Variants in SLC9A9 observed in about 807,000 individuals in gnomAD.
SLC9A9 encodes the protein solute carrier family 9 member A9, also known as sodium/hydrogen exchanger 9.
Under a neutral mutation model 77.8 loss-of-function variants are expected in SLC9A9, and 62 were observed. The ratio of observed to expected loss-of-function variants is 0.80; its 90% confidence interval spans 0.65 to 0.98. The LOEUF is 0.98. Among genes scored for constraint, SLC9A9 ranks in the 50% least tolerant of loss-of-function variants. The pLI is 0.00. For missense variants in SLC9A9, 775 were observed against 774.9 expected, an observed-to-expected ratio of 1.00 and a Z score of 0.00; for synonymous variants, 320 against 283.5, an observed-to-expected ratio of 1.13 and a Z score of -1.29.
chr3:143,619,651 G>T (rs1159474340), intron 6 of SLC9A9, among the ~76,000 whole-genome samples: 1 of 152,130 alleles, frequency 6.6e-6, no homozygotes, highest in Admixed American at 6.5e-5. Flanking sequence ...AATAGCTTTG[G>T]GTAAGAGGAT....
At chr3:143,447,568 T>C (rs2034867925) in intron 12 of SLC9A9, among the ~76,000 whole-genome samples, 1 of 152,166 alleles carries the variant, frequency 6.6e-6, no homozygotes, top group Non-Finnish European at 1.5e-5. Flanking sequence ...GTGTTCCTGC[T>C]AACTTCCTAC....
In SLC9A9 at chr3:143,572,874, G is replaced by A. The variant is rs548862592; in HGVS notation, c.1000+1214C>T. On this transcript the variant is annotated intron_variant, in intron 8 of 15. Transcript: ENST00000316549. Reference sequence around the variant, plus strand: ...TCACAGGAGAGCCAAGACCAGCCAAGGAGCAACTGAACCAGGCAGTTGCCT... The same window carrying A: ...TCACAGGAGAGCCAAGACCAGCCAAAGAGCAACTGAACCAGGCAGTTGCCT... Among the ~76,000 whole-genome samples, 3 of 152,324 alleles carry A rather than the reference G, an allele frequency of 2.0e-5. No individual in the cohort carries two copies. In the East Asian group the frequency reaches 5.8e-4, roughly 29 times the overall value.
intron 2 of SLC9A9, among the ~76,000 whole-genome samples, chr3:143,799,303 T>A (rs1285302361): frequency 6.6e-6 from 1 of 152,048 alleles, no homozygotes; most frequent in African/African-American, 2.4e-5. Flanking sequence ...TACCCAATCC[T>A]CTCCCAACAT....
intron 8 of SLC9A9, among the ~76,000 whole-genome samples, chr3:143,554,534 G>C (rs990632891): frequency 6.6e-6 from 1 of 152,166 alleles, no homozygotes; most frequent in Non-Finnish European, 1.5e-5. Flanking sequence ...CCTTTGGCCT[G>C]GATTACAACG....
At chr3:143,779,522 C>T (rs904314727) in intron 4 of SLC9A9, among the ~76,000 whole-genome samples, 2 of 152,116 alleles carry the variant, frequency 1.3e-5, no homozygotes, top group Admixed American at 6.5e-5. Context: ...CAAGTATGCA[C>T]CACATGCCTC....
intron 4 of SLC9A9, among the ~76,000 whole-genome samples, chr3:143,749,246 A>G (rs1935277478): frequency 6.6e-6 from 1 of 152,238 alleles, no homozygotes; most frequent in Non-Finnish European, 1.5e-5. Context: ...AAAAATAGCT[A>G]CAGTATCATT....
chr3:143,311,567 A>G (rs1314950106), intron 14 of SLC9A9, among the ~76,000 whole-genome samples: 1 of 152,222 alleles, frequency 6.6e-6, no homozygotes, highest in African/African-American at 2.4e-5. Flanking sequence ...TACACTTTTT[A>G]TCTTACAGAA....
chr3:143,357,666 C>T (rs995189975), intron 14 of SLC9A9, among the ~76,000 whole-genome samples: 1 of 152,156 alleles, frequency 6.6e-6, no homozygotes, highest in Admixed American at 6.5e-5. Context: ...ACAGCCTGTT[C>T]TACTGTTGAT....
intron 5 of SLC9A9, among the ~76,000 whole-genome samples, chr3:143,677,954 G>A (rs917043119): frequency 1.3e-4 from 20 of 151,214 alleles, no homozygotes; most frequent in Admixed American, 1.2e-3. Flanking sequence ...AGCTTCCCAA[G>A]TAGCTGGGAC....
At chr3:143,530,957 ATATAAT>A (rs142643711) in intron 9 of SLC9A9, among the ~76,000 whole-genome samples, 3,488 of 152,320 alleles carry the variant, frequency 0.023, 86 homozygotes, top group East Asian at 0.12. Context: ...GAACTGCGAG[ATATAAT>A]TATGAGTCCT....
chr3:143,815,872 CA>C (rs1459700326), intron 2 of SLC9A9, among the ~76,000 whole-genome samples: 1 of 151,608 alleles, frequency 6.6e-6, no homozygotes. Context: ...CTCAAAAAAA[CA>C]AACAAACAAA....
At chr3:143,537,178 T>C (rs1457076404) in intron 9 of SLC9A9, among the ~76,000 whole-genome samples, 1 of 152,212 alleles carries the variant, frequency 6.6e-6, no homozygotes, top group East Asian at 1.9e-4. Flanking sequence ...CTCTGGCCAC[T>C]CTTTAGAATC....
chr3:143,737,051 T>C (rs1278837307), intron 4 of SLC9A9, among the ~76,000 whole-genome samples: 2 of 152,242 alleles, frequency 1.3e-5, no homozygotes, highest in African/African-American at 2.4e-5. Flanking sequence ...TACAATATTT[T>C]ATATTATTAA....
intron 14 of SLC9A9, among the ~76,000 whole-genome samples, chr3:143,276,641 G>A (rs1325847512): frequency 6.6e-6 from 1 of 152,008 alleles, no homozygotes; most frequent in African/African-American, 2.4e-5. Flanking sequence ...TTCTTAAGCT[G>A]ACTAGGAACT....
chr3:143,283,204 C>T (rs1343879737), intron 14 of SLC9A9, among the ~76,000 whole-genome samples: 1 of 152,170 alleles, frequency 6.6e-6, no homozygotes, highest in African/African-American at 2.4e-5. Flanking sequence ...AAGGTATTAT[C>T]TGAAACCTCC....
chr3:143,390,886 A>G (rs2033547858), intron 12 of SLC9A9, among the ~76,000 whole-genome samples: 1 of 152,222 alleles, frequency 6.6e-6, no homozygotes, highest in Non-Finnish European at 1.5e-5. Context: ...ACTGCAAGGC[A>G]GCAGCAAGGC....
intron 14 of SLC9A9, among the ~76,000 whole-genome samples, chr3:143,344,809 A>T (rs549555182): frequency 5.9e-4 from 90 of 152,288 alleles, no homozygotes; most frequent in African/African-American, 2.1e-3. Flanking sequence ...AGTATTTTAC[A>T]CTTACATCAT....
chr3:143,670,190 T>A (rs752896805), intron 5 of SLC9A9, among the ~76,000 whole-genome samples: 2 of 152,230 alleles, frequency 1.3e-5, no homozygotes, highest in Non-Finnish European at 1.5e-5. Context: ...AATGAGGATG[T>A]TGAGCAAGAT....
intron 12 of SLC9A9, among the ~76,000 whole-genome samples, chr3:143,384,969 A>G (rs947077095): frequency 2.6e-5 from 4 of 152,202 alleles, no homozygotes; most frequent in African/African-American, 7.2e-5. Context: ...TGGCTAATAT[A>G]TGTTTCTTGG....
Sources: allele counts gnomAD v4.1 joint callset (sites outside exome capture counted in the v4.1 genomes callset), GRCh38; gene constraint gnomAD v4.1.1; transcripts MANE v1.5; gene names NCBI Gene and HGNC (gene_info 2026-07-23, HGNC 2026-07-21).